Variants in RASAL2 observed in about 807,000 individuals in gnomAD.
RASAL2 encodes the protein RAS protein activator like 2, also known as ras GTPase-activating protein nGAP.
In RASAL2, 58 loss-of-function variants were observed where a neutral mutation model predicts 128.9. The ratio of observed to expected loss-of-function variants is 0.45; its 90% confidence interval spans 0.36 to 0.56. The LOEUF (loss-of-function observed/expected upper bound fraction) is 0.56, where lower values mean the gene tolerates loss of function less well. RASAL2 is among the 20% of genes least tolerant of loss of function. The pLI, the probability that RASAL2 is intolerant of heterozygous loss-of-function variation, is 0.00. For synonymous variants in RASAL2, 561 were observed against 580.8 expected (o/e 0.97, Z 0.49); for missense variants, 1,360 against 1,601.6 (o/e 0.85, Z 2.57).
intron 1 of RASAL2, among the ~76,000 whole-genome samples, chr1:178,277,438 C>T (rs551584056): frequency 9.9e-5 from 15 of 152,196 alleles, no homozygotes; most frequent in African/African-American, 2.2e-4. Context: ...GGATTATAGG[C>T]GTGAGCCACC....
chr1:178,100,254 G>T (rs1658841054), intron 1 of RASAL2, among the ~76,000 whole-genome samples: 1 of 151,914 alleles, frequency 6.6e-6, no homozygotes, highest in Admixed American at 6.6e-5. Flanking sequence ...GGTGGCTTAT[G>T]CCCATAATTC....
At chr1:178,444,204 A>C (rs1033464079) in intron 8 of RASAL2, among the ~76,000 whole-genome samples, 1 of 152,134 alleles carries the variant, frequency 6.6e-6, no homozygotes, top group African/African-American at 2.4e-5. Flanking sequence ...ATACATTAAG[A>C]CTTTTTTAAA....
At chr1:178,223,810 A>G (rs1252728248) in intron 1 of RASAL2, among the ~76,000 whole-genome samples, 1 of 152,104 alleles carries the variant, frequency 6.6e-6, no homozygotes, top group Non-Finnish European at 1.5e-5. Flanking sequence ...AGGAGGGGAA[A>G]TGAGTAAGAT....
chr1:178,248,610 C>T (rs1188675431), intron 1 of RASAL2, among the ~76,000 whole-genome samples: 2 of 152,112 alleles, frequency 1.3e-5, no homozygotes, highest in Non-Finnish European at 2.9e-5. Flanking sequence ...GATTATTTTG[C>T]ACATAAGTTG....
intron 4 of RASAL2, among the ~76,000 whole-genome samples, chr1:178,410,715 T>C (rs1274666478): frequency 6.8e-6 from 1 of 148,044 alleles, no homozygotes; most frequent in African/African-American, 2.5e-5. Context: ...GCAAAGGAAA[T>C]GAATACACAG....
chr1:178,427,035 T>C (rs1228125579), intron 5 of RASAL2, among the ~76,000 whole-genome samples: 1 of 152,016 alleles, frequency 6.6e-6, no homozygotes, highest in Non-Finnish European at 1.5e-5. Context: ...AGAGACAAGA[T>C]AGGAGGAACG....
chr1:178,356,135 T>A (rs1571916974), intron 3 of RASAL2, among the ~76,000 whole-genome samples: 1 of 129,930 alleles, frequency 7.7e-6, no homozygotes, highest in Middle Eastern at 5.0e-3. Flanking sequence ...GCCACTGCAC[T>A]CCTCCAGCCT....
intron 4 of RASAL2, among the ~76,000 whole-genome samples, chr1:178,417,050 G>A (rs190100361): frequency 2.0e-5 from 3 of 151,100 alleles, no homozygotes; most frequent in East Asian, 1.9e-4. Flanking sequence ...CTTTGGTTTG[G>A]TATATTAATT....
chr1:178,181,686 A>G (rs1432052227), intron 1 of RASAL2, among the ~76,000 whole-genome samples: 4 of 151,908 alleles, frequency 2.6e-5, no homozygotes, highest in Admixed American at 2.0e-4. Flanking sequence ...TGGCTGTGAC[A>G]GTCTCTCAGG....
At chr1:178,139,031 A>G (rs934890225) in intron 1 of RASAL2, among the ~76,000 whole-genome samples, 4 of 152,142 alleles carry the variant, frequency 2.6e-5, no homozygotes, top group East Asian at 1.9e-4. Context: ...TTATAGATAT[A>G]TAATAAATAC....
chr1:178,300,245 A>C (rs2102270092), intron 3 of RASAL2, 127 bp downstream of exon 3: 1 of 1,099,122 alleles, frequency 9.1e-7, no homozygotes, highest in East Asian at 2.7e-5. Flanking sequence ...TGGCACGTTA[A>C]GCGAGAGTTA....
rs571398649 is a variant in RASAL2 at position 178,142,675 on chromosome 1, G to A, written c.202+47981G>A. Among the ~76,000 whole-genome samples the A allele has an allele frequency of 3.9e-5, 6 of 152,274 alleles. No homozygotes were observed. The East Asian group carries it at 5.8e-4, about 15-fold the overall frequency. ...TTCTTGAGGATTTTGGCCTCTAGGC[G>A]CAGTGTAAGTGATACTGTATGCCTA... On this transcript the variant is annotated intron_variant, in intron 1 of 17. Coordinates refer to ENST00000367649, the MANE Select transcript of RASAL2 (RefSeq NM_170692.4).
intron 4 of RASAL2, among the ~76,000 whole-genome samples, chr1:178,410,762 CA>C (rs914646419): frequency 6.6e-6 from 1 of 151,504 alleles, no homozygotes. Context: ...CAAGAAACGT[CA>C]AAAAAATGCT....
chr1:178,325,118 G>A (rs1668975219), intron 3 of RASAL2, among the ~76,000 whole-genome samples: 1 of 152,112 alleles, frequency 6.6e-6, no homozygotes. Context: ...AGCACAACAG[G>A]AAGCTTCCAT....
At chr1:178,430,264 A>G (rs530944204) in intron 5 of RASAL2, among the ~76,000 whole-genome samples, 1 of 152,246 alleles carries the variant, frequency 6.6e-6, no homozygotes, top group East Asian at 1.9e-4. Flanking sequence ...TTAATTAATC[A>G]ATACAGTCTA....
At position 178,245,787 on chromosome 1, in the gene RASAL2, GC is replaced by G. The variant is rs1664742605; in HGVS notation, c.203-37776del. 2.6e-5 allele frequency among the ~76,000 whole-genome samples: 4 copies of G among 152,168 alleles called. No individual in the cohort carries two copies. The East Asian group carries it at 7.7e-4, about 29-fold the overall frequency. On this transcript the variant is annotated intron_variant, in intron 1 of 17. Transcript: ENST00000367649. Reference sequence around the variant, plus strand: ...GTCCAGTTTCTGTTTTCTGCATACGGCTAGCCAGTTTTCCCAGCACCATTTG... The same window carrying G: ...GTCCAGTTTCTGTTTTCTGCATACGGTAGCCAGTTTTCCCAGCACCATTTG...
intron 1 of RASAL2, among the ~76,000 whole-genome samples, chr1:178,179,782 T>C (rs1055074040): frequency 6.6e-6 from 1 of 152,196 alleles, no homozygotes; most frequent in Non-Finnish European, 1.5e-5. Flanking sequence ...TCTATTCTTA[T>C]CACTGTCATT....
In RASAL2 at chr1:178,283,612, A is replaced by ACACC. The variant is rs1182511907; in HGVS notation, c.252_255dup (p.Glu86HisfsTer67). 1 of 1,613,594 alleles carries ACACC rather than the reference A, an allele frequency of 6.2e-7. No homozygotes were observed. The highest frequency in any genetic ancestry group is 2.2e-5 in the East Asian group (1 of 44,846). On this transcript the variant is annotated frameshift_variant, in exon 2 of 18. Coordinates refer to ENST00000367649, the MANE Select transcript of RASAL2 (RefSeq NM_170692.4). LOFTEE classifies it high-confidence loss of function. ...CGTCTGTCTTGTGGTCAGTCACCCT[A>ACACC]CACCGAGACAACAACGTGGGAGCGG... is the stretch of plus-strand genomic sequence containing the variant.
chr1:178,260,836 C>T (rs1193544601), intron 1 of RASAL2, among the ~76,000 whole-genome samples: 1 of 152,154 alleles, frequency 6.6e-6, no homozygotes, highest in Non-Finnish European at 1.5e-5. Flanking sequence ...CTTACTTCTG[C>T]ACCCATCAGT....
Sources: allele counts gnomAD v4.1 joint callset (sites outside exome capture counted in the v4.1 genomes callset), GRCh38; gene constraint gnomAD v4.1.1; transcripts MANE v1.5; gene names NCBI Gene and HGNC (gene_info 2026-07-23, HGNC 2026-07-21).